Variants in ADAP1 observed in about 807,000 individuals in gnomAD.
The protein encoded by ADAP1 is ArfGAP with dual PH domains 1, also known as arf-GAP with dual PH domain-containing protein 1.
A neutral mutation model predicts 54.9 loss-of-function variants in ADAP1; 31 were observed. The observed-to-expected ratio is 0.56, with a 90% CI of 0.42 to 0.76. The LOEUF (loss-of-function observed/expected upper bound fraction) is 0.76. ADAP1 is among the 30% of genes least tolerant of loss of function. ADAP1 has a pLI of 0.00. For synonymous variants in ADAP1, 313 were observed against 202.6 expected, an observed-to-expected ratio of 1.55 and a Z score of -4.63; for missense variants, 535 against 512.4, an observed-to-expected ratio of 1.04 and a Z score of -0.42.
chr7:913,139 C>T (rs914789016), intron 4 of ADAP1, among the ~76,000 whole-genome samples: 3 of 152,086 alleles, frequency 2.0e-5, no homozygotes, highest in East Asian at 1.9e-4. Context: ...CCCCGGTGCC[C>T]GGCCTTCTTT....
intron 6 of ADAP1, chr7:903,883 C>G (rs189405035): frequency 8.4e-6 from 4 of 478,768 alleles, no homozygotes; most frequent in Middle Eastern, 1.2e-3. Context: ...CCTGGGCAGC[C>G]CGGCCCTGGG....
intron 4 of ADAP1, chr7:905,693 A>AG (rs1845200013): frequency 7.3e-6 from 1 of 137,924 alleles, no homozygotes; most frequent in Non-Finnish European, 1.5e-5. Flanking sequence ...GAAAGGAGAA[A>AG]GGAGAAAGGA....
At chr7:904,818 T>C (rs117084377) in intron 5 of ADAP1, among the ~76,000 whole-genome samples, 4,259 of 152,254 alleles carry the variant, frequency 0.028, 80 homozygotes, top group Middle Eastern at 0.054. Flanking sequence ...TGGGCCTGAG[T>C]TCAGGGGGCC....
At chr7:904,641 A>G (rs1845004795) in intron 5 of ADAP1, among the ~76,000 whole-genome samples, 1 of 152,162 alleles carries the variant, frequency 6.6e-6, no homozygotes, top group Non-Finnish European at 1.5e-5. Context: ...TCTGACCATC[A>G]GCCCATGGGT....
At chr7:904,028 C>A in intron 6 of ADAP1, 98 bp downstream of exon 6, 2 of 1,490,734 alleles carry the variant, frequency 1.3e-6, no homozygotes, top group Non-Finnish European at 1.8e-6. Flanking sequence ...CAAGTGCCTA[C>A]CCTCCCGTAC....
rs1481664869 is a variant in ADAP1, at chr7:914,975, C to T, written c.388+4993G>A. ...GAGCACAGGGCCATACGACTCAGCACCTCTGGGTCCCTGGGATCCCAGCAG... is the reference window on the plus strand; with the variant it reads ...GAGCACAGGGCCATACGACTCAGCATCTCTGGGTCCCTGGGATCCCAGCAG... On this transcript the variant is annotated intron_variant, in intron 4 of 10. Transcript: ENST00000265846. Among the ~76,000 whole-genome samples, 3 of 130,850 alleles carry T rather than the reference C, an allele frequency of 2.3e-5. No homozygotes were observed. In the South Asian group the frequency reaches 6.9e-4, roughly 30 times the overall value. The allele number at this position is 130,850 out of a possible 152,430, so 85.8% of individuals were successfully genotyped here.
At chr7:901,308 C>T (rs984973741) in intron 6 of ADAP1, 5 of 298,060 alleles carry the variant, frequency 1.7e-5, no homozygotes, top group Non-Finnish European at 3.3e-5. Context: ...CCCTTGGCCC[C>T]ATGACATTAT....
chr7:909,798 C>A (rs1224094916), intron 4 of ADAP1, among the ~76,000 whole-genome samples: 1 of 152,208 alleles, frequency 6.6e-6, no homozygotes, highest in African/African-American at 2.4e-5. Context: ...CAAACAGCTA[C>A]CGCGTGCCGC....
At chr7:930,167 C>A (rs149275616) in intron 2 of ADAP1, among the ~76,000 whole-genome samples, 274 of 148,624 alleles carry the variant, frequency 1.8e-3, no homozygotes, top group African/African-American at 6.5e-3. Flanking sequence ...TGCTATAGAC[C>A]CTAAAACCAC....
In ADAP1 at chr7:898,504, G is replaced by T. The variant is rs1183008919; in HGVS notation, c.*417C>A. 3.6e-6 allele frequency: 1 copy of T among 278,660 alleles called. No individual in the cohort carries two copies. Among genetic ancestry groups the T allele is most frequent in the Non-Finnish European group, 7.0e-6 (1 of 142,050 alleles). 17.3% of individuals were successfully genotyped at this position (278,660 alleles called of 1,614,324 possible). ...GAGGGCGGGGCGGCATGCGAGCAGGGCCCAGTCCCCAGCGGCCGGCAGCTG... is the reference window on the plus strand; with the variant it reads ...GAGGGCGGGGCGGCATGCGAGCAGGTCCCAGTCCCCAGCGGCCGGCAGCTG... On this transcript the variant is annotated 3_prime_UTR_variant, in exon 11 of 11. Transcript: ENST00000265846.
At position 920,008 on chromosome 7, in the gene ADAP1, C is replaced by G. The variant is rs1296244191; in HGVS notation, c.348G>C (p.Gln116His). ...CCTGCTTCTCCGGGTAGATGAACTC[C>G]TGTCGCTCGTACTTGGCCCGGATCC... The part of the protein sequence containing the change: ...EQWIRAKYER[Q>H]EFIYPEKQEP... The change falls in exon 4 of 11, where the codon CAG (glutamine) becomes CAC (histidine). Residue 116 changes from glutamine (Q) to histidine (H), a missense_variant. Coordinates refer to ENST00000265846, the MANE Select transcript of ADAP1 (RefSeq NM_006869.4). The surrounding 1 kb of genome is among the most constrained non-coding windows in gnomAD (Gnocchi z 4.5). 1 of 1,608,048 alleles carries G rather than the reference C, an allele frequency of 6.2e-7. No homozygotes were observed. The highest frequency in any genetic ancestry group is 1.1e-5 in the South Asian group (1 of 91,030).
chr7:920,877 C>T lies in ADAP1; in HGVS notation c.306-827G>A, dbSNP rs1562926488. 3 of 1,550,082 alleles carry T rather than the reference C, an allele frequency of 1.9e-6. No individual in the cohort carries two copies. Among genetic ancestry groups the T allele is most frequent in the South Asian group, 1.2e-5 (1 of 84,054 alleles). On this transcript the variant is annotated intron_variant, in intron 3 of 10. Transcript: ENST00000265846. The surrounding 1 kb of genome is among the most constrained non-coding windows in gnomAD (Gnocchi z 4.5). ...GGCAGCCGCCCCAGCCTTTTCCACTCCCAGGGAATTACGCGGCAAAGAACA... is the reference window on the plus strand; with the variant it reads ...GGCAGCCGCCCCAGCCTTTTCCACTTCCAGGGAATTACGCGGCAAAGAACA...
At chr7:910,640 T>G (rs750666977) in intron 4 of ADAP1, among the ~76,000 whole-genome samples, 8 of 152,184 alleles carry the variant, frequency 5.3e-5, no homozygotes, top group Admixed American at 1.3e-4. Flanking sequence ...CGTATGTGAT[T>G]TATATGCTAA....
chr7:899,120 C>G lies in ADAP1; in HGVS notation c.1009G>C (p.Ala337Pro). Reference sequence around the variant, plus strand: ...CTCTGGTCGGACTCCGTCTCGCAGGCAAACAGAAACTTGCGGTCGGGCGTG... The same window carrying G: ...CTCTGGTCGGACTCCGTCTCGCAGGGAAACAGAAACTTGCGGTCGGGCGTG... ...IVTPDRKFLF[A>P]CETESDQREW... Residue 337 changes from alanine to proline, a missense_variant, in exon 10 of 11, where the codon GCC (alanine) becomes CCC (proline). Physicochemically the swap from Ala to Pro is conservative, Grantham distance 27 (BLOSUM62 -1). Coordinates refer to ENST00000265846, the MANE Select transcript of ADAP1 (RefSeq NM_006869.4). 1.2e-6 allele frequency: 2 copies of G among 1,609,320 alleles called. No individual in the cohort carries two copies. The highest frequency in any genetic ancestry group is 1.7e-6 in the Non-Finnish European group (2 of 1,179,938).
chr7:931,226 G>A (rs62430834), intron 2 of ADAP1, among the ~76,000 whole-genome samples: 34,400 of 152,088 alleles, frequency 0.23, 4,478 homozygotes, highest in South Asian at 0.44. Flanking sequence ...GCTCAAAGGT[G>A]GGAGACAGGG....
chr7:917,548 T>C (rs1008043083), intron 4 of ADAP1, among the ~76,000 whole-genome samples: 1 of 152,152 alleles, frequency 6.6e-6, no homozygotes, highest in African/African-American at 2.4e-5. Context: ...CATTGCAACC[T>C]CCGCCTTCCA....
rs181652723 is a variant in ADAP1, at chr7:910,396, C to G, written c.389-5224G>C. On this transcript the variant is annotated intron_variant, in intron 4 of 10. Transcript: ENST00000265846. ...TCCCGAGTAGCTGGGACCACAGATG[C>G]ACGCCACCACACCCGGCTAAGTTCT... Among the ~76,000 whole-genome samples, 1,121 of 152,158 alleles carry G rather than the reference C, an allele frequency of 7.4e-3. 14 individuals carry two copies. The highest frequency in any genetic ancestry group is 0.034 in the Middle Eastern group (10 of 294).
In ADAP1 at chr7:899,264, G is replaced by A. The variant is rs373932792; in HGVS notation, c.868-3C>T. On this transcript the variant is annotated splice_polypyrimidine_tract_variant and splice_region_variant and intron_variant, in intron 9 of 10. Coordinates refer to ENST00000265846, the MANE Select transcript of ADAP1 (RefSeq NM_006869.4). Reference sequence around the variant, plus strand: ...ACTTCCCCTCGGGCGAAGGCGTCCTGTGGGTGGGGACCGCACTGGAGGCGG... The same window carrying A: ...ACTTCCCCTCGGGCGAAGGCGTCCTATGGGTGGGGACCGCACTGGAGGCGG... 119 of 1,612,698 alleles carry A rather than the reference G, an allele frequency of 7.4e-5. 1 individual carries two copies. The Middle Eastern group carries it at 1.7e-3, about 22-fold the overall frequency.
rs1279304503 is a variant in ADAP1, at chr7:926,815, T to C, written c.214-171A>G. 6 of 735,216 alleles carry C rather than the reference T, an allele frequency of 8.2e-6. No homozygotes were observed. The highest frequency in any genetic ancestry group is 6.2e-5 in the East Asian group (2 of 32,472). The allele number at this position is 735,216 out of a possible 1,614,324, so 45.5% of individuals were successfully genotyped here. ...CCTCCTGCCCCAGGGACACCATTTC[T>C]GAGTGATCGACCCTCCCCTGGGACA... On this transcript the variant is annotated intron_variant, in intron 2 of 10. Coordinates refer to ENST00000265846, the MANE Select transcript of ADAP1 (RefSeq NM_006869.4). This position sits in a 1 kb window ranked among gnomAD's most constrained non-coding sequence, Gnocchi z 4.6.
Sources: gnomAD v4.1 joint callset for allele counts (sites outside exome capture counted in the v4.1 genomes callset) on GRCh38, gnomAD v4.1.1 for gene constraint, Gnocchi (gnomAD v3.1) non-coding constraint, MANE v1.5 for transcripts, NCBI Gene and HGNC (gene_info 2026-07-23, HGNC 2026-07-21) for gene names.